The following ANK1 variants were observed in gnomAD, a reference collection of about 807,000 sequenced individuals.
The protein encoded by ANK1 is ankyrin 1.
A neutral mutation model predicts 210.4 loss-of-function variants in ANK1; 51 were observed. That is an observed-to-expected ratio of 0.24 (90% CI 0.19 to 0.31). The LOEUF (loss-of-function observed/expected upper bound fraction) is 0.31. Among genes scored for constraint, ANK1 ranks in the 10% least tolerant of loss-of-function variants. ANK1 has a pLI of 1.00. For synonymous variants in ANK1, 967 were observed against 1,025.9 expected (o/e 0.94, Z 1.10); for missense variants, 2,051 against 2,504.4 (o/e 0.82, Z 3.86).
At chr8:41,662,122 T>C (rs1013719121) in intron 40 of ANK1, among the ~76,000 whole-genome samples, 181 bp from the exon 41 acceptor site, 6 of 152,070 alleles carry the variant, frequency 3.9e-5, no homozygotes, top group Non-Finnish European at 4.4e-5. Context: ...CCCGGTGTGG[T>C]GGCAGGTGCC....
intron 9 of ANK1, among the ~76,000 whole-genome samples, chr8:41,720,926 G>C (rs747216247): frequency 1.3e-5 from 2 of 152,170 alleles, no homozygotes; most frequent in African/African-American, 4.8e-5. Flanking sequence ...GAGGAGGCTG[G>C]AGCTGCGCCA....
rs1395849582 is a variant in ANK1 at position 41,694,133 on chromosome 8, C to T, written c.3328-31G>A. The T allele has an allele frequency of 3.1e-6, 5 of 1,603,646 alleles. No homozygotes were observed. Among genetic ancestry groups the T allele is most frequent in the Non-Finnish European group, 4.3e-6 (5 of 1,173,968 alleles). On this transcript the variant is annotated intron_variant, in intron 28 of 42. Coordinates refer to ENST00000289734, the MANE Select transcript of ANK1 (RefSeq NM_000037.4). This position sits in a 1 kb window ranked among gnomAD's most constrained non-coding sequence, Gnocchi z 5.7. ...AAATGACAGAGGCAGGACACTCAGG[C>T]CCAAGCAGGAGAGGGGCTAATCAGA...
In ANK1 at chr8:41,663,007, T is replaced by C. The variant is rs1809005548; in HGVS notation, c.5478+652A>G. Among the ~76,000 whole-genome samples, 4 of 152,202 alleles carry C rather than the reference T, an allele frequency of 2.6e-5. No individual in the cohort carries two copies. The South Asian group carries it at 8.3e-4, about 32-fold the overall frequency. On this transcript the variant is annotated intron_variant, in intron 40 of 42. Coordinates refer to ENST00000289734, the MANE Select transcript of ANK1 (RefSeq NM_000037.4). Reference sequence around the variant, plus strand: ...CATAGCTTATGCAGACTTGAACTGCTGGGTTTAAGTGATCCTTCTGCCTCA... The same window carrying C: ...CATAGCTTATGCAGACTTGAACTGCCGGGTTTAAGTGATCCTTCTGCCTCA...
rs939680843 is a variant in ANK1 at position 41,697,813 on chromosome 8, G to A, written c.2637+230C>T. On this transcript the variant is annotated intron_variant, in intron 24 of 42. Transcript: ENST00000289734. Reference sequence around the variant, plus strand: ...GTCCTGGGCTGCATCCAAGGACTGCGCCACCACAGGAAAGGGCCCCATCTG... The same window carrying A: ...GTCCTGGGCTGCATCCAAGGACTGCACCACCACAGGAAAGGGCCCCATCTG... The A allele has an allele frequency of 1.3e-4, 78 of 617,332 alleles. No individual in the cohort carries two copies. The Middle Eastern group carries it at 1.7e-3, about 13-fold the overall frequency. 38.2% of individuals were successfully genotyped at this position (617,332 alleles called of 1,614,324 possible).
intron 26 of ANK1, 129 bp from the exon 27 acceptor site, chr8:41,695,460 G>T: frequency 7.6e-7 from 1 of 1,311,622 alleles, no homozygotes; most frequent in Non-Finnish European, 1.1e-6. Flanking sequence ...GGCCCCACCT[G>T]CAGGCAGGTC....
At chr8:41,856,871 C>T (rs987412464) in intron 1 of ANK1, among the ~76,000 whole-genome samples, 11 of 142,476 alleles carry the variant, frequency 7.7e-5, no homozygotes, top group African/African-American at 1.1e-4. Flanking sequence ...GCTTAACAGC[C>T]CTCTTTTTTT....
Position 41,688,552 on chromosome 8 carries a change from G to A in ANK1, c.4142C>T (p.Pro1381Leu). The change falls in exon 34 of 43, where the codon CCC becomes CTC. Residue 1381 changes from proline to leucine, a missense_variant. Transcript: ENST00000289734. ...GAGAATGCTGTATCGCAGGGCCAGG[G>A]GCGTCGGGGTCCTTCTCCTATCTTC... ...GAEDRRRTPT[P>L]LALRYSILSE... is the part of the protein sequence containing the mutation. The A allele has an allele frequency of 6.2e-7, 1 of 1,614,210 alleles. No individual in the cohort carries two copies. The highest frequency in any genetic ancestry group is 8.5e-7 in the Non-Finnish European group (1 of 1,180,046).
In ANK1 at chr8:41,724,501, G is replaced by A; in HGVS notation, c.666C>T (p.Ala222=). The change falls in exon 7 of 43, where the codon GCC becomes GCT. Residue 222 remains alanine (A), a synonymous_variant. Transcript: ENST00000289734. ...TGGCTCCTCTGTTGAGGAGCAACTG[G>A]GCCACGTTGAGGTTCTCGTAGTGAG... ...IAAHYENLNV[A]QLLLNRGASV... is the part of the protein sequence containing the mutation. 1.2e-6 allele frequency: 2 copies of A among 1,602,100 alleles called. No individual in the cohort carries two copies. Among genetic ancestry groups the A allele is most frequent in the Non-Finnish European group, 1.7e-6 (2 of 1,174,454 alleles).
At chr8:41,811,490 C>A (rs1172379644) in intron 1 of ANK1, among the ~76,000 whole-genome samples, 1 of 152,056 alleles carries the variant, frequency 6.6e-6, no homozygotes, top group Non-Finnish European at 1.5e-5. Flanking sequence ...CGACTCCCAC[C>A]TTCCGCTTCC....
intron 16 of ANK1, among the ~76,000 whole-genome samples, chr8:41,710,444 A>C (rs1474533312): frequency 1.3e-5 from 2 of 152,198 alleles, no homozygotes; most frequent in African/African-American, 4.8e-5. Context: ...TCAAACTCTG[A>C]TGTGTACACA....
At chr8:41,837,689 T>C (rs1808030710) in intron 1 of ANK1, among the ~76,000 whole-genome samples, 1 of 152,000 alleles carries the variant, frequency 6.6e-6, no homozygotes, top group Non-Finnish European at 1.5e-5. Context: ...GTGGACAACA[T>C]GGTGAAACCC....
At position 41,714,965 on chromosome 8, in the gene ANK1, T is replaced by C. The variant is rs1827213856; in HGVS notation, c.1701+11A>G. The C allele has an allele frequency of 1.2e-6, 2 of 1,613,900 alleles. No homozygotes were observed. The highest frequency in any genetic ancestry group is 1.3e-5 in the African/African-American group (1 of 74,984). On this transcript the variant is annotated intron_variant, in intron 15 of 42. Coordinates refer to ENST00000289734, the MANE Select transcript of ANK1 (RefSeq NM_000037.4). ...CTGAGAGCTGCAGGGGAGGGCAGGG[T>C]TCAAACTCACTTTTCCGGCAGCATT... is the stretch of plus-strand genomic sequence containing the variant.
chr8:41,697,909 A>G, intron 24 of ANK1, 134 bp downstream of exon 24: 2 of 853,788 alleles, frequency 2.3e-6, no homozygotes, highest in South Asian at 2.9e-5. Flanking sequence ...CAAGCGTGGA[A>G]TGCCAGTTGG....
chr8:41,724,023 C>T (rs1320109109), intron 7 of ANK1, among the ~76,000 whole-genome samples: 2 of 151,856 alleles, frequency 1.3e-5, no homozygotes, highest in East Asian at 1.9e-4. Flanking sequence ...CTCCTGACCT[C>T]GTGATCCGCC....
At chr8:41,778,165 A>G (rs895962536) in intron 1 of ANK1, among the ~76,000 whole-genome samples, 1 of 152,234 alleles carries the variant, frequency 6.6e-6, no homozygotes, top group African/African-American at 2.4e-5. Flanking sequence ...AGACACAAAA[A>G]AAGTAAAGGC....
intron 38 of ANK1, among the ~76,000 whole-genome samples, chr8:41,669,876 A>G (rs1030947496): frequency 6.6e-6 from 1 of 151,972 alleles, no homozygotes; most frequent in Non-Finnish European, 1.5e-5. Context: ...CCCTAGCTTC[A>G]TGGGCTTGGT....
Position 41,696,430 on chromosome 8 carries a change from G to A in ANK1, c.2893C>T (p.Leu965=). 6.2e-7 allele frequency: 1 copy of A among 1,613,330 alleles called. No homozygotes were observed. Among genetic ancestry groups the A allele is most frequent in the Non-Finnish European group, 8.5e-7 (1 of 1,179,880 alleles). The change falls in exon 26 of 43, where the codon CTG becomes TTG. Residue 965 remains leucine, a synonymous_variant. Coordinates refer to ENST00000289734, the MANE Select transcript of ANK1 (RefSeq NM_000037.4). ...KPQKLSTPPP[L]AEEEGLASRI... ...CTGGCCAGGCCCTCCTCCTCGGCCA[G>A]TGGGGGCGGCGTGCTGAGCTTCTGG...
At chr8:41,731,657 C>T (rs1383740645) in intron 3 of ANK1, among the ~76,000 whole-genome samples, 2 of 151,996 alleles carry the variant, frequency 1.3e-5, no homozygotes, top group South Asian at 2.1e-4. Flanking sequence ...CCCCAGCCCA[C>T]GGTTTCAGTT....
intron 1 of ANK1, chr8:41,896,208 G>C (rs1820496382): frequency 8.5e-7 from 1 of 1,181,092 alleles, no homozygotes; most frequent in South Asian, 1.8e-5. Flanking sequence ...CCTCCTCTAC[G>C]CCCACCGAGC....
Sources: gnomAD v4.1 joint callset for allele counts (sites outside exome capture counted in the v4.1 genomes callset) on GRCh38, gnomAD v4.1.1 for gene constraint, Gnocchi (gnomAD v3.1) non-coding constraint, MANE v1.5 for transcripts, NCBI Gene and HGNC (gene_info 2026-07-23, HGNC 2026-07-21) for gene names.